Variants in ARNT2 observed in about 807,000 individuals in gnomAD.
The protein encoded by ARNT2 is aryl hydrocarbon receptor nuclear translocator 2.
Under a neutral mutation model 91.7 loss-of-function variants are expected in ARNT2, and 36 were observed. That is an observed-to-expected ratio of 0.39 (90% CI 0.30 to 0.52). The LOEUF (loss-of-function observed/expected upper bound fraction) is 0.52. Ranked by LOEUF, ARNT2 falls within the 20% of genes least tolerant of loss-of-function variation. ARNT2 has a pLI of 0.72. For synonymous variants in ARNT2, 365 were observed against 347.1 expected (o/e 1.05, Z -0.57); for missense variants, 775 against 939.3 (o/e 0.83, Z 2.29).
In ARNT2 at chr15:80,555,112, A is replaced by G; in HGVS notation, c.1137A>G (p.Gln379=). The change falls in exon 11 of 19, where the codon CAA becomes CAG. Residue 379 remains glutamine, a synonymous_variant. Transcript: ENST00000303329. ...TGGAATTCTGCCACCCTGAGGATCA[A>G]AGCCATCTGCGTGAGAGCTTCCAGC... ...DILEFCHPED[Q]SHLRESFQQV... The G allele has an allele frequency of 6.2e-7, 1 of 1,614,246 alleles. No homozygotes were observed. Among genetic ancestry groups the G allele is most frequent in the Non-Finnish European group, 8.5e-7 (1 of 1,180,050 alleles).
chr15:80,576,745 C>G (rs1898683620), intron 14 of ARNT2, 121 bp from the exon 15 acceptor site: 1 of 975,328 alleles, frequency 1.0e-6, no homozygotes, highest in African/African-American at 1.6e-5. Flanking sequence ...TGCAGGCGGG[C>G]TGCCCTGACT....
intron 5 of ARNT2, among the ~76,000 whole-genome samples, chr15:80,476,830 C>A (rs940720872): frequency 1.3e-5 from 2 of 152,230 alleles, no homozygotes; most frequent in Admixed American, 6.5e-5. Context: ...AACAGAAATT[C>A]ATTTCTCACT....
chr15:80,572,323 A>G, intron 12 of ARNT2, among the ~76,000 whole-genome samples: 1 of 152,008 alleles, frequency 6.6e-6, no homozygotes, highest in Non-Finnish European at 1.5e-5. Context: ...GCTTTTGCTG[A>G]TAGTTACAAT....
At chr15:80,431,709 T>C (rs1896014529) in intron 1 of ARNT2, among the ~76,000 whole-genome samples, 1 of 152,164 alleles carries the variant, frequency 6.6e-6, no homozygotes, top group Admixed American at 6.5e-5. Context: ...TTTTCCAGGC[T>C]ACCGGTTGTT....
At position 80,552,761 on chromosome 15, in the gene ARNT2, G is replaced by A; in HGVS notation, c.1076G>A (p.Gly359Asp). The change falls in exon 10 of 19, where the codon GGC becomes GAC. Residue 359 changes from glycine to aspartate, a missense_variant. Coordinates refer to ENST00000303329, the MANE Select transcript of ARNT2 (RefSeq NM_014862.4). ...FVDPRCISVI[G>D]YQPQDLLGKD... is the part of the protein sequence containing the mutation. ...GATCCAAGATGTATCAGTGTGATTG[G>A]CTACCAACCCCAGGTGAGTAGATAG... The A allele has an allele frequency of 6.2e-7, 1 of 1,613,918 alleles. No individual in the cohort carries two copies.
At chr15:80,523,251 C>T (rs1897582148) in intron 8 of ARNT2, among the ~76,000 whole-genome samples, 1 of 152,166 alleles carries the variant, frequency 6.6e-6, no homozygotes, top group African/African-American at 2.4e-5. Context: ...GAGAGTGGCC[C>T]AGTTCACCGA....
chr15:80,491,300 A>C (rs543447062), intron 5 of ARNT2, among the ~76,000 whole-genome samples: 1 of 152,204 alleles, frequency 6.6e-6, no homozygotes, highest in Non-Finnish European at 1.5e-5. Context: ...GGCAAGGAGG[A>C]ACAAGTCACG....
At chr15:80,445,147 G>A (rs1385606937) in intron 1 of ARNT2, 1 of 151,108 alleles carries the variant, frequency 6.6e-6, no homozygotes, top group Non-Finnish European at 1.5e-5. Flanking sequence ...GTGTGTCACT[G>A]GTGTGTATAT....
intron 5 of ARNT2, among the ~76,000 whole-genome samples, chr15:80,496,981 AG>A (rs752921675): frequency 2.6e-5 from 4 of 152,204 alleles, no homozygotes; most frequent in Non-Finnish European, 5.9e-5. Flanking sequence ...ACCCTGGACT[AG>A]GGGACACAGA....
intron 8 of ARNT2, among the ~76,000 whole-genome samples, chr15:80,544,084 C>T (rs1435111970): frequency 2.0e-5 from 3 of 152,332 alleles, no homozygotes; most frequent in East Asian, 3.9e-4. Context: ...TAGCTTTCAT[C>T]TCCAGAAGTT....
intron 6 of ARNT2, 141 bp downstream of exon 6, chr15:80,508,399 C>G: frequency 1.4e-6 from 1 of 696,274 alleles, no homozygotes; most frequent in Non-Finnish European, 2.5e-6. Context: ...TTGACCTCAG[C>G]ATGCAGATAT....
intron 5 of ARNT2, among the ~76,000 whole-genome samples, chr15:80,477,888 G>A (rs1326118259): frequency 1.3e-5 from 2 of 152,176 alleles, no homozygotes; most frequent in Non-Finnish European, 2.9e-5. Flanking sequence ...GTTTTGGAAG[G>A]ATATTAGTAA....
intron 1 of ARNT2, among the ~76,000 whole-genome samples, chr15:80,429,479 C>A (rs1895978989): frequency 6.6e-6 from 1 of 152,234 alleles, no homozygotes; most frequent in African/African-American, 2.4e-5. Context: ...CTCCACCCAC[C>A]CCACCCCGCA....
intron 17 of ARNT2, among the ~76,000 whole-genome samples, chr15:80,581,894 A>G (rs1898804569): frequency 6.6e-6 from 1 of 152,222 alleles, no homozygotes; most frequent in African/African-American, 2.4e-5. Flanking sequence ...TGCATTTCTC[A>G]GGATCCTGGG....
At chr15:80,419,686 T>C (rs1249812032) in intron 1 of ARNT2, among the ~76,000 whole-genome samples, 1 of 152,234 alleles carries the variant, frequency 6.6e-6, no homozygotes, top group Non-Finnish European at 1.5e-5. Flanking sequence ...CTTTTGGTTT[T>C]CTTATCTATA....
intron 12 of ARNT2, among the ~76,000 whole-genome samples, chr15:80,568,283 G>C (rs571880347): frequency 6.6e-6 from 1 of 152,152 alleles, no homozygotes; most frequent in Admixed American, 6.5e-5. Flanking sequence ...TTTTTACATG[G>C]GCACGACCTA....
chr15:80,421,279 A>G (rs1184946140), intron 1 of ARNT2, among the ~76,000 whole-genome samples: 1 of 152,088 alleles, frequency 6.6e-6, no homozygotes, highest in African/African-American at 2.4e-5. Flanking sequence ...CGGCTAAAAA[A>G]CTATATATTG....
At chr15:80,454,235 G>A (rs1334575923) in intron 2 of ARNT2, among the ~76,000 whole-genome samples, 1 of 152,104 alleles carries the variant, frequency 6.6e-6, no homozygotes, top group African/African-American at 2.4e-5. Flanking sequence ...TGATCTCAGT[G>A]ACAGGGTGGT....
At chr15:80,518,908 T>C (rs1290132636) in intron 8 of ARNT2, among the ~76,000 whole-genome samples, 1 of 152,092 alleles carries the variant, frequency 6.6e-6, no homozygotes, top group Non-Finnish European at 1.5e-5. Context: ...TTACTTTTTA[T>C]CTCCCCCTAC....
Sources: allele counts gnomAD v4.1 joint callset (sites outside exome capture counted in the v4.1 genomes callset), GRCh38; gene constraint gnomAD v4.1.1; transcripts MANE v1.5; gene names NCBI Gene and HGNC (gene_info 2026-07-23, HGNC 2026-07-21).